G3BP1: variants seen among roughly 807,000 people sequenced by gnomAD.
G3BP1 encodes ras GTPase-activating protein-binding protein 1.
G3BP1 carries 35 observed loss-of-function variants against 58.6 expected under a neutral mutation model. The ratio of observed to expected loss-of-function variants is 0.60; its 90% CI spans 0.46 to 0.79. The LOEUF (loss-of-function observed/expected upper bound fraction) is 0.79, where lower values mean the gene tolerates loss of function less well. Among genes scored for constraint, G3BP1 ranks in the 30% least tolerant of loss-of-function variants. G3BP1 has a pLI of 0.00. For synonymous variants in G3BP1, 191 were observed against 195.4 expected, an observed-to-expected ratio of 0.98 and a Z score of 0.19; for missense variants, 523 against 580.8, an observed-to-expected ratio of 0.90 and a Z score of 1.02.
intron 1 of G3BP1, among the ~76,000 whole-genome samples, chr5:151,777,281 A>G (rs1385733934): frequency 1.3e-5 from 2 of 152,216 alleles, no homozygotes; most frequent in Non-Finnish European, 2.9e-5. Context: ...TCCTGAAACA[A>G]AATTTACAAA....
At chr5:151,800,151 T>C in intron 9 of G3BP1, 67 bp from the exon 10 acceptor site, 2 of 1,472,664 alleles carry the variant, frequency 1.4e-6, no homozygotes, top group Non-Finnish European at 1.9e-6. Flanking sequence ...AACTATTGAA[T>C]GTGAGCAGTC....
intron 1 of G3BP1, 48 bp downstream of exon 1, chr5:151,772,084 G>A (rs548311729): frequency 1.9e-4 from 29 of 152,562 alleles, no homozygotes; most frequent in African/African-American, 7.0e-4. Context: ...ACTAAGCCGA[G>A]CCGCAGCACT....
At chr5:151,797,184 TAAATG>T (rs1561536338) in intron 6 of G3BP1, 38 bp from the exon 7 acceptor site, 1 of 1,595,638 alleles carries the variant, frequency 6.3e-7, no homozygotes, top group Non-Finnish European at 8.6e-7. Flanking sequence ...TTTTGTGAAA[TAAATG>T]GTGGCAGAAT....
Position 151,804,337 on chromosome 5 carries a change from CA to C in G3BP1, c.*255del, listed in dbSNP as rs140252175. ...TAGGAATAACGGACTTTTAAAGAAG[CA>C]AAAAAAAAGACTGAATTTCCTTGCT... On this transcript the variant is annotated 3_prime_UTR_variant, in exon 12 of 12. Transcript: ENST00000356245. 9.3e-4 allele frequency: 314 copies of C among 336,402 alleles called. No individual in the cohort carries two copies. Among genetic ancestry groups the C allele is most frequent in the East Asian group, 1.3e-3 (30 of 22,256 alleles). The allele number at this position is 336,402 out of a possible 1,614,324, so 20.8% of individuals were successfully genotyped here.
chr5:151,800,123 T>G, intron 9 of G3BP1, 95 bp from the exon 10 acceptor site: 1 of 1,300,456 alleles, frequency 7.7e-7, no homozygotes, highest in Non-Finnish European at 1.1e-6. Context: ...GAATTACCTG[T>G]TTTTAGTGTA....
At chr5:151,780,787 C>T (rs1336493246) in intron 1 of G3BP1, among the ~76,000 whole-genome samples, 2 of 152,184 alleles carry the variant, frequency 1.3e-5, no homozygotes, top group African/African-American at 4.8e-5. Flanking sequence ...GCTGGGATTA[C>T]AGGTGTGAGC....
At position 151,805,614 on chromosome 5, in the gene G3BP1, A is replaced by G. The variant is rs1762928850; in HGVS notation, c.*1523A>G. On this transcript the variant is annotated 3_prime_UTR_variant, in exon 12 of 12. Transcript: ENST00000356245. Reference sequence around the variant, plus strand: ...CTCTAGGTTTGCTGTGATGGTTAAGACCACAGTGAAGTTGGTATTACCAGT... The same window carrying G: ...CTCTAGGTTTGCTGTGATGGTTAAGGCCACAGTGAAGTTGGTATTACCAGT... 1.3e-5 allele frequency: 2 copies of G among 152,208 alleles called. No homozygotes were observed. The highest frequency in any genetic ancestry group is 6.5e-5 in the Admixed American group (1 of 15,288). The allele number at this position is 152,208 out of a possible 1,614,324, so 9.4% of individuals were successfully genotyped here.
chr5:151,786,746 G>T (rs542378913), intron 2 of G3BP1, 31 bp downstream of exon 2: 1 of 1,257,816 alleles, frequency 8.0e-7, no homozygotes, highest in Admixed American at 1.7e-5. Flanking sequence ...ATCATCTAAT[G>T]CTGTCTTTTA....
At chr5:151,800,702 A>G in intron 10 of G3BP1, 58 bp from the exon 11 acceptor site, 4 of 1,017,348 alleles carry the variant, frequency 3.9e-6, no homozygotes, top group South Asian at 2.5e-5. Flanking sequence ...GACTGTGTAC[A>G]TGTAATGTTT....
rs551579062 is a variant in G3BP1 at position 151,809,885 on chromosome 5, G to T, written c.*5794G>T. Reference sequence around the variant, plus strand: ...TAATGGCCCAGCTCTACCAGGGCTTGTTGTCTAAGGACATTAACTTGTGCT... The same window carrying T: ...TAATGGCCCAGCTCTACCAGGGCTTTTTGTCTAAGGACATTAACTTGTGCT... On this transcript the variant is annotated 3_prime_UTR_variant, in exon 12 of 12. Transcript: ENST00000356245. 1 of 152,172 alleles carries T rather than the reference G, an allele frequency of 6.6e-6. No individual in the cohort carries two copies. Among genetic ancestry groups the T allele is most frequent in the Admixed American group, 6.5e-5 (1 of 15,280 alleles). The allele number at this position is 152,172 out of a possible 1,614,324, so 9.4% of individuals were successfully genotyped here.
chr5:151,800,625 A>G (rs762265266), intron 10 of G3BP1, 135 bp from the exon 11 acceptor site: 8 of 654,426 alleles, frequency 1.2e-5, no homozygotes, highest in African/African-American at 5.5e-5. Context: ...GCACATCTCA[A>G]TTCAGACTAG....
chr5:151,803,889 T>C lies in G3BP1; in HGVS notation c.1199T>C (p.Ile400Thr). ...TGGTCACCTTGATTCTTACAGCCCA[T>C]CATGTTCAGAGGTGAGGTCCGTCTG... is the stretch of plus-strand genomic sequence containing the variant. The part of the protein sequence containing the change: ...PVQKVLSNRP[I>T]MFRGEVRLNV... Residue 400 changes from isoleucine (I) to threonine (T), a missense_variant, in exon 12 of 12, where the codon ATC becomes ACC. Coordinates refer to ENST00000356245, the MANE Select transcript of G3BP1 (RefSeq NM_005754.3). 1 of 1,609,536 alleles carries C rather than the reference T, an allele frequency of 6.2e-7. No homozygotes were observed. The highest frequency in any genetic ancestry group is 8.5e-7 in the Non-Finnish European group (1 of 1,176,126).
chr5:151,792,364 G>A (rs1762674017), intron 4 of G3BP1, among the ~76,000 whole-genome samples: 1 of 152,128 alleles, frequency 6.6e-6, no homozygotes, highest in Non-Finnish European at 1.5e-5. Flanking sequence ...ATAACTTTTT[G>A]TCTGTGCAAA....
At chr5:151,797,194 C>A in intron 6 of G3BP1, 33 bp from the exon 7 acceptor site, 6 of 1,604,580 alleles carry the variant, frequency 3.7e-6, no homozygotes, top group Non-Finnish European at 5.1e-6. Context: ...TAAATGGTGG[C>A]AGAATGATAT....
At chr5:151,786,064 C>T (rs1047750645) in intron 1 of G3BP1, among the ~76,000 whole-genome samples, 3 of 152,152 alleles carry the variant, frequency 2.0e-5, no homozygotes, top group African/African-American at 7.2e-5. Context: ...GAGGCTGAGG[C>T]GGGCAGATCA....
chr5:151,801,149 G>GGT (rs1412392170), intron 11 of G3BP1, among the ~76,000 whole-genome samples: 1 of 152,076 alleles, frequency 6.6e-6, no homozygotes. Flanking sequence ...ACCTTTCCTT[G>GGT]GTGGTGGCTT....
At position 151,795,510 on chromosome 5, in the gene G3BP1, A is replaced by C. The variant is rs201065158; in HGVS notation, c.474A>C (p.Glu158Asp). 2 of 1,602,960 alleles carry C rather than the reference A, an allele frequency of 1.2e-6. No homozygotes were observed. Among genetic ancestry groups the C allele is most frequent in the South Asian group, 1.1e-5 (1 of 90,610 alleles). ...AAGAAGAAGTAGAGGAACCTGAAGA[A>C]AGACAGCAAACACCTGAGGTGGTAC... ...ESEEEVEEPE[E>D]RQQTPEVVPD... The change falls in exon 6 of 12, where the codon GAA (glutamate) becomes GAC (aspartate). Residue 158 changes from glutamate (E) to aspartate (D), a missense_variant. Glu to Asp is a conservative substitution (Grantham distance 45, BLOSUM62 2). This residue lies in a region of G3BP1 where 398 missense variants were observed against 399.1 expected (regional missense o/e 1.00). Transcript: ENST00000356245.
chr5:151,798,110 C>T (rs553975613), intron 7 of G3BP1, among the ~76,000 whole-genome samples: 17 of 152,240 alleles, frequency 1.1e-4, no homozygotes, highest in African/African-American at 4.1e-4. Context: ...TTTATATTGG[C>T]AAAACAGATA....
chr5:151,776,150 G>A (rs2964574), intron 1 of G3BP1, among the ~76,000 whole-genome samples: 31,980 of 152,148 alleles, frequency 0.21, 4,011 homozygotes, highest in South Asian at 0.32. Context: ...TCGTGACCAT[G>A]ACACTTGATC....
Sources: gnomAD v4.1 joint callset for allele counts (sites outside exome capture counted in the v4.1 genomes callset) on GRCh38, gnomAD v4.1.1 for gene constraint, gnomAD v4.1.1 regional missense constraint, MANE v1.5 for transcripts, NCBI Gene and HGNC (gene_info 2026-07-23, HGNC 2026-07-21) for gene names.